Variants in ALG9 observed in about 807,000 individuals in gnomAD.
ALG9 encodes ALG9 alpha-1,2-mannosyltransferase.
Under a neutral mutation model 81.8 loss-of-function variants are expected in ALG9, and 55 were observed. The observed-to-expected ratio is 0.67, with a 90% CI of 0.54 to 0.84. The LOEUF (loss-of-function observed/expected upper bound fraction) is 0.84. ALG9 is among the 40% of genes least tolerant of loss of function. The pLI, the probability that ALG9 is intolerant of heterozygous loss-of-function variation, is 0.00. For missense variants in ALG9, 629 were observed against 745.0 expected, an observed-to-expected ratio of 0.84 and a Z score of 1.81; for synonymous variants, 278 against 274.3, an observed-to-expected ratio of 1.01 and a Z score of -0.13.
chr11:111,860,477 C>CAATT, intron 5 of ALG9, 70 bp downstream of exon 5: 1 of 1,259,728 alleles, frequency 7.9e-7, no homozygotes, highest in South Asian at 1.2e-5. Flanking sequence ...GGTGAACCTG[C>CAATT]AATTCCCTCA....
intron 6 of ALG9, 61 bp downstream of exon 6, chr11:111,857,541 C>T (rs1300180622): frequency 1.9e-6 from 3 of 1,609,464 alleles, no homozygotes. Flanking sequence ...TGGAGCTAAT[C>T]CAACATTAAG....
intron 14 of ALG9, among the ~76,000 whole-genome samples, chr11:111,789,323 T>A (rs553763140): frequency 6.6e-6 from 1 of 152,022 alleles, no homozygotes; most frequent in South Asian, 2.1e-4. Context: ...ATGATCATAG[T>A]TCACTGCAGC....
chr11:111,865,287 A>C, intron 3 of ALG9, 36 bp from the exon 4 acceptor site: 1 of 1,490,606 alleles, frequency 6.7e-7, no homozygotes, highest in Non-Finnish European at 9.1e-7. Flanking sequence ...CAGAAGTCAC[A>C]GATATGAGCT....
intron 14 of ALG9, among the ~76,000 whole-genome samples, chr11:111,803,646 AATAG>A (rs1452803343): frequency 2.0e-5 from 3 of 152,198 alleles, no homozygotes; most frequent in African/African-American, 7.2e-5. Flanking sequence ...AGAGCCCAGA[AATAG>A]ATCCACATAA....
At chr11:111,793,344 C>A (rs1308191734) in intron 14 of ALG9, among the ~76,000 whole-genome samples, 1 of 152,202 alleles carries the variant, frequency 6.6e-6, no homozygotes, top group African/African-American at 2.4e-5. Flanking sequence ...AACATTCCAG[C>A]TGCTGTTCTA....
At chr11:111,831,104 C>T (rs1318159686) in intron 13 of ALG9, among the ~76,000 whole-genome samples, 1 of 152,054 alleles carries the variant, frequency 6.6e-6, no homozygotes, top group African/African-American at 2.4e-5. Context: ...GCAGTGGCGC[C>T]ATCTCGGCTG....
At chr11:111,792,456 T>C (rs574952985) in intron 14 of ALG9, among the ~76,000 whole-genome samples, 2 of 152,366 alleles carry the variant, frequency 1.3e-5, no homozygotes, top group South Asian at 4.1e-4. Flanking sequence ...ATGAGCTCCA[T>C]GTCAAGCAAT....
intron 14 of ALG9, among the ~76,000 whole-genome samples, chr11:111,793,531 G>A (rs1242446477): frequency 3.3e-5 from 5 of 152,186 alleles, no homozygotes; most frequent in Non-Finnish European, 7.3e-5. Context: ...GGAGGCCGAG[G>A]CGGGCGGATC....
At position 111,871,391 on chromosome 11, in the gene ALG9, A is replaced by G. The variant is rs1555158822; in HGVS notation, c.92T>C (p.Leu31Pro). Reference protein sequence around the residue: ...APAADKLRELLGSREAGGAEH... With the variant: ...APAADKLRELPGSREAGGAEH... ...CGCGCCGCCCGCCTCTCGGCTGCCCAGCAGCTCCCGCAGCTTGTCCGCAGC... is the reference window on the plus strand; with the variant it reads ...CGCGCCGCCCGCCTCTCGGCTGCCCGGCAGCTCCCGCAGCTTGTCCGCAGC... Residue 31 changes from leucine to proline, a missense_variant, in exon 1 of 15, where the codon CTG (leucine) becomes CCG (proline). Coordinates refer to ENST00000616540, the MANE Select transcript of ALG9 (RefSeq NM_024740.2). 6.5e-7 allele frequency: 1 copy of G among 1,534,374 alleles called. No homozygotes were observed. Among genetic ancestry groups the G allele is most frequent in the Non-Finnish European group, 8.7e-7 (1 of 1,146,150 alleles).
chr11:111,857,668 G>A lies in ALG9; in HGVS notation c.635C>T (p.Thr212Ile). 6.2e-7 allele frequency: 1 copy of A among 1,614,206 alleles called. No individual in the cohort carries two copies. Among genetic ancestry groups the A allele is most frequent in the Non-Finnish European group, 8.5e-7 (1 of 1,180,030 alleles). ...IAMTGWYMDK[T>I]SIAVLGVAAG... The stretch of plus-strand genomic sequence containing the variant: ...TGCTACTCCCAGCACAGCAATGGAA[G>A]TCTTGTCCATATACCATCCAGTCAT... Residue 212 changes from threonine (T) to isoleucine (I), a missense_variant, in exon 6 of 15, where the codon ACT (threonine) becomes ATT (isoleucine). Thr to Ile is a moderately conservative substitution (Grantham distance 89). This residue lies in a region of ALG9 where 344 missense variants were observed against 390.5 expected (regional missense o/e 0.88). Coordinates refer to ENST00000616540, the MANE Select transcript of ALG9 (RefSeq NM_024740.2).
In ALG9 at chr11:111,853,385, A is replaced by G; in HGVS notation, c.890T>C (p.Leu297Pro). Residue 297 changes from leucine (L) to proline (P), a missense_variant, in exon 8 of 15, where the codon CTT becomes CCT. By Grantham distance (98) the Leu-to-Pro change is moderately conservative. Coordinates refer to ENST00000616540, the MANE Select transcript of ALG9 (RefSeq NM_024740.2). ...CAAATTTCACAAAGCCTTACCATAA[A>G]GATCAGGTCCATGAGGAGTAAAGAC... ...YNVFTPHGPD[L>P]YGTEPWYFYL... is the part of the protein sequence containing the mutation. The G allele has an allele frequency of 6.2e-7, 1 of 1,613,022 alleles. No individual in the cohort carries two copies. Among genetic ancestry groups the G allele is most frequent in the Non-Finnish European group, 8.5e-7 (1 of 1,179,062 alleles).
rs1555059204 is a variant in ALG9, at chr11:111,783,783, T to C, written c.*2614A>G. On this transcript the variant is annotated 3_prime_UTR_variant, in exon 15 of 15. Coordinates refer to ENST00000616540, the MANE Select transcript of ALG9 (RefSeq NM_024740.2). ...TTTGGCACAGCGTTCTGCCATGTAT[T>C]GTGCTCTCACTAAAGACATACATAG... The C allele has an allele frequency of 6.6e-6, 1 of 152,200 alleles. No homozygotes were observed. The highest frequency in any genetic ancestry group is 2.4e-5 in the African/African-American group (1 of 41,446). The allele number at this position is 152,200 out of a possible 1,614,324, so 9.4% of individuals were successfully genotyped here.
Position 111,800,926 on chromosome 11 carries a change from T to A in ALG9, c.1733+8717A>T, listed in dbSNP as rs572891539. On this transcript the variant is annotated intron_variant, in intron 14 of 14. Transcript: ENST00000616540. ...AAACCATAAAAAAAGCAGGGTTAGATTTTAGGAACTTAAACATTTGAGAAA... is the reference window on the plus strand; with the variant it reads ...AAACCATAAAAAAAGCAGGGTTAGAATTTAGGAACTTAAACATTTGAGAAA... Among the ~76,000 whole-genome samples the A allele has an allele frequency of 1.2e-3, 189 of 152,302 alleles. 4 individuals carry two copies. Among genetic ancestry groups the A allele is most frequent in the Non-Finnish European group, 1.2e-3 (82 of 68,014 alleles).
chr11:111,852,331 A>G (rs1957954319), intron 8 of ALG9, among the ~76,000 whole-genome samples: 1 of 152,220 alleles, frequency 6.6e-6, no homozygotes, highest in Admixed American at 6.5e-5. Context: ...AAAGATCTCT[A>G]GCTCATCCCC....
chr11:111,864,005 C>T (rs1377822499), intron 4 of ALG9, among the ~76,000 whole-genome samples: 2 of 152,170 alleles, frequency 1.3e-5, no homozygotes, highest in African/African-American at 4.8e-5. Flanking sequence ...CTGTTGGTTT[C>T]AAACGAGAAG....
At chr11:111,776,342 C>A in the ALG9 span, among the ~76,000 whole-genome samples, 1 of 152,134 alleles carries the variant, frequency 6.6e-6, no homozygotes, top group Non-Finnish European at 1.5e-5. Context: ...ATAATCCCAG[C>A]ACTTTGGGAG....
At chr11:111,827,394 T>G (rs1371365815) in intron 13 of ALG9, among the ~76,000 whole-genome samples, 2 of 152,060 alleles carry the variant, frequency 1.3e-5, no homozygotes, top group African/African-American at 4.8e-5. Context: ...GAGAATCACT[T>G]GAACCCGGTA....
chr11:111,859,757 T>C (rs1188616699), intron 5 of ALG9, among the ~76,000 whole-genome samples: 4 of 152,078 alleles, frequency 2.6e-5, no homozygotes, highest in Admixed American at 6.6e-5. Flanking sequence ...AATTTTGATA[T>C]ATTCAATAAG....
At chr11:111,820,868 G>GC (rs1952219024) in intron 13 of ALG9, among the ~76,000 whole-genome samples, 1 of 36 alleles carries the variant, frequency 0.028, no homozygotes, top group Non-Finnish European at 0.045. Context: ...CTTAAGGCCA[G>GC]GGTTCAAGAC....
Sources: allele counts gnomAD v4.1 joint callset (sites outside exome capture counted in the v4.1 genomes callset), GRCh38; gene constraint gnomAD v4.1.1; regional missense constraint gnomAD v4.1.1; transcripts MANE v1.5; gene names NCBI Gene and HGNC (gene_info 2026-07-23, HGNC 2026-07-21).